MEF2C: variants seen among roughly 807,000 people sequenced by gnomAD.
MEF2C encodes myocyte-specific enhancer factor 2C.
Under a neutral mutation model 50.5 loss-of-function variants are expected in MEF2C, and 6 were observed. That is an observed-to-expected ratio of 0.12 (90% CI 0.07 to 0.23). MEF2C has a LOEUF of 0.23. Among genes scored for constraint, MEF2C ranks in the 10% least tolerant of loss-of-function variants. MEF2C has a pLI of 1.00. For synonymous variants in MEF2C, 183 were observed against 228.0 expected, an observed-to-expected ratio of 0.80 and a Z score of 1.78; for missense variants, 276 against 605.0, an observed-to-expected ratio of 0.46 and a Z score of 5.70.
At chr5:88,739,735 TA>T (rs1414266317) in intron 6 of MEF2C, 4 of 984,840 alleles carry the variant, frequency 4.1e-6, no homozygotes, top group East Asian at 1.1e-4. Flanking sequence ...TTTTTATTTT[TA>T]TTTTTTTGAG....
intron 1 of MEF2C, among the ~76,000 whole-genome samples, chr5:88,863,616 T>G (rs1310282354): frequency 6.6e-6 from 1 of 152,226 alleles, no homozygotes; most frequent in Non-Finnish European, 1.5e-5. Context: ...TTGTACCTGT[T>G]GACCTATGTC....
chr5:88,794,590 T>C (rs1795226097), intron 3 of MEF2C, among the ~76,000 whole-genome samples: 1 of 152,190 alleles, frequency 6.6e-6, no homozygotes, highest in Non-Finnish European at 1.5e-5. Flanking sequence ...ATTCTTTGGG[T>C]TGCCTGTTCA....
At chr5:88,810,776 T>C (rs1466321266) in intron 2 of MEF2C, among the ~76,000 whole-genome samples, 1 of 152,052 alleles carries the variant, frequency 6.6e-6, no homozygotes, top group African/African-American at 2.4e-5. Flanking sequence ...ATTTTTGTCA[T>C]TGGTTTAGAT....
intron 2 of MEF2C, among the ~76,000 whole-genome samples, chr5:88,813,142 C>G (rs764473013): frequency 6.6e-6 from 1 of 152,118 alleles, no homozygotes; most frequent in Non-Finnish European, 1.5e-5. Context: ...TCAGACGCTC[C>G]GGCCATTCCC....
chr5:88,868,974 G>A (rs562844802), intron 1 of MEF2C, among the ~76,000 whole-genome samples: 2 of 151,808 alleles, frequency 1.3e-5, no homozygotes, highest in Non-Finnish European at 2.9e-5. Flanking sequence ...TATAAAACAA[G>A]GATTCCTTTT....
intron 4 of MEF2C, chr5:88,752,882 T>C (rs1472218897): frequency 6.5e-6 from 3 of 458,924 alleles, no homozygotes; most frequent in African/African-American, 2.1e-5. Flanking sequence ...TTGTAGCTAC[T>C]TTTTTTTAAG....
At chr5:88,724,998 T>G (rs1233833051) in intron 10 of MEF2C, among the ~76,000 whole-genome samples, 1 of 152,106 alleles carries the variant, frequency 6.6e-6, no homozygotes, top group East Asian at 1.9e-4. Context: ...GAGGGTGACA[T>G]AGAAAATTAG....
chr5:88,749,546 ATCGTT>A (rs1771611761), intron 5 of MEF2C: 1 of 965,124 alleles, frequency 1.0e-6, no homozygotes, highest in Non-Finnish European at 1.2e-6. Flanking sequence ...CAGAAATTTG[ATCGTT>A]TCATGAATCT....
At chr5:88,761,485 A>G (rs1356021112) in intron 3 of MEF2C, among the ~76,000 whole-genome samples, 157 bp from the exon 4 acceptor site, 2 of 152,222 alleles carry the variant, frequency 1.3e-5, no homozygotes, top group African/African-American at 4.8e-5. Context: ...AGTCATTTCA[A>G]TCGAGTGCTC....
intron 2 of MEF2C, among the ~76,000 whole-genome samples, chr5:88,811,005 A>AT (rs1239217242): frequency 2.0e-5 from 3 of 152,136 alleles, no homozygotes; most frequent in African/African-American, 2.4e-5. Flanking sequence ...TAATTAAGGA[A>AT]TTTTGGGAAA....
intron 2 of MEF2C, among the ~76,000 whole-genome samples, chr5:88,813,935 A>T (rs763983217): frequency 1.3e-5 from 2 of 152,004 alleles, no homozygotes; most frequent in Non-Finnish European, 2.9e-5. Context: ...AAAATATTTC[A>T]GGTCGGCTAC....
intron 1 of MEF2C, among the ~76,000 whole-genome samples, chr5:88,903,366 C>A (rs1313377168): frequency 2.6e-5 from 4 of 151,592 alleles, no homozygotes; most frequent in Admixed American, 6.6e-5. Context: ...ATTAAACATG[C>A]AATATATTTT....
At chr5:88,853,467 T>C (rs538220344) in intron 1 of MEF2C, among the ~76,000 whole-genome samples, 1 of 152,188 alleles carries the variant, frequency 6.6e-6, no homozygotes, top group Non-Finnish European at 1.5e-5. Flanking sequence ...ATAAAGTCAC[T>C]ATAATTAAAT....
intron 3 of MEF2C, among the ~76,000 whole-genome samples, chr5:88,779,209 A>G (rs184168185): frequency 1.5e-3 from 221 of 152,352 alleles, no homozygotes; most frequent in Non-Finnish European, 2.1e-3. Flanking sequence ...AGCCATCACC[A>G]TCATTCTGAA....
intron 1 of MEF2C, among the ~76,000 whole-genome samples, chr5:88,882,203 C>T (rs566122301): frequency 2.0e-5 from 3 of 152,296 alleles, no homozygotes; most frequent in African/African-American, 4.8e-5. Flanking sequence ...ACTTTATCAT[C>T]GAGTTTGGTA....
intron 1 of MEF2C, among the ~76,000 whole-genome samples, chr5:88,845,968 T>A (rs1382826906): frequency 1.3e-5 from 2 of 152,176 alleles, no homozygotes; most frequent in African/African-American, 2.4e-5. Context: ...TCAGCCTATA[T>A]CTTCTTGATA....
chr5:88,777,899 CTTTTTTTTTTTTT>C (rs57841792), intron 3 of MEF2C, among the ~76,000 whole-genome samples: 3 of 77,320 alleles, frequency 3.9e-5, no homozygotes, highest in African/African-American at 5.3e-5. Flanking sequence ...TTTTTCTTTT[CTTTTTTTTTTTTT>C]TTTTTTTTTT....
intron 1 of MEF2C, among the ~76,000 whole-genome samples, chr5:88,860,640 C>A (rs1825188198): frequency 6.6e-6 from 1 of 152,158 alleles, no homozygotes; most frequent in Non-Finnish European, 1.5e-5. Context: ...CAGCTATGAT[C>A]TGGAAGTGTT....
chr5:88,726,804 A>G (rs1013014173), intron 10 of MEF2C, among the ~76,000 whole-genome samples: 14 of 152,156 alleles, frequency 9.2e-5, no homozygotes, highest in African/African-American at 3.4e-4. Context: ...CTTGTAATAG[A>G]AAAGAGTTTT....
Sources: gnomAD v4.1 joint callset for allele counts (sites outside exome capture counted in the v4.1 genomes callset) on GRCh38, gnomAD v4.1.1 for gene constraint, MANE v1.5 for transcripts, NCBI Gene and HGNC (gene_info 2026-07-23, HGNC 2026-07-21) for gene names.